Variants in MALRD1 observed in about 807,000 individuals in gnomAD.
MALRD1 encodes the protein MAM and LDL receptor class A domain containing 1, also known as MAM and LDL-receptor class A domain-containing protein 1.
A neutral mutation model predicts 242.1 loss-of-function variants in MALRD1; 247 were observed. The ratio of observed to expected loss-of-function variants is 1.02; its 90% CI spans 0.92 to 1.13. MALRD1 has a LOEUF of 1.13. MALRD1 is among the 50% of genes most tolerant of loss of function. The pLI, the probability that MALRD1 is intolerant of heterozygous loss-of-function variation, is 0.00. For synonymous variants in MALRD1, 995 were observed against 866.6 expected, an observed-to-expected ratio of 1.15 and a Z score of -2.60; for missense variants, 2,989 against 2,533.1, an observed-to-expected ratio of 1.18 and a Z score of -3.86.
intron 33 of MALRD1, among the ~76,000 whole-genome samples, chr10:19,576,839 G>A (rs144544693): frequency 3.4e-4 from 51 of 152,198 alleles, no homozygotes; most frequent in Non-Finnish European, 5.9e-4. Context: ...AGGAAACCAC[G>A]CTCTGAGATT....
At chr10:19,615,043 T>C (rs1839076447) in intron 35 of MALRD1, among the ~76,000 whole-genome samples, 1 of 152,024 alleles carries the variant, frequency 6.6e-6, no homozygotes, top group Non-Finnish European at 1.5e-5. Flanking sequence ...TGACTATAGT[T>C]AACAATAATA....
At chr10:19,275,002 T>A (rs1840440594) in intron 19 of MALRD1, among the ~76,000 whole-genome samples, 1 of 152,114 alleles carries the variant, frequency 6.6e-6, no homozygotes, top group East Asian at 1.9e-4. Flanking sequence ...AGTATTCGGA[T>A]AAGGGTCCCT....
Position 19,175,798 on chromosome 10 carries a change from C to A in MALRD1, c.1951+470C>A, listed in dbSNP as rs898082133. Reference sequence around the variant, plus strand: ...AAATTTAAAACTGGACCTTAAAATTCTGTGTTTCTATTCAAAATTTAATAT... The same window carrying A: ...AAATTTAAAACTGGACCTTAAAATTATGTGTTTCTATTCAAAATTTAATAT... On this transcript the variant is annotated intron_variant, in intron 14 of 39. Transcript: ENST00000454679. Among the ~76,000 whole-genome samples, 6 of 152,048 alleles carry A rather than the reference C, an allele frequency of 3.9e-5. No homozygotes were observed. The East Asian group carries it at 1.2e-3, about 30-fold the overall frequency.
intron 2 of MALRD1, among the ~76,000 whole-genome samples, chr10:19,084,071 T>A (rs1298183906): frequency 6.6e-6 from 1 of 152,016 alleles, no homozygotes; most frequent in African/African-American, 2.4e-5. Context: ...TAAGTTGATA[T>A]GGCAGCATCC....
chr10:19,309,059 A>C (rs987939834), intron 21 of MALRD1, among the ~76,000 whole-genome samples: 1 of 151,604 alleles, frequency 6.6e-6, no homozygotes, highest in Non-Finnish European at 1.5e-5. Context: ...AAATTACAGG[A>C]TTTAAGGTTT....
chr10:19,187,896 G>A (rs186746185), intron 14 of MALRD1, among the ~76,000 whole-genome samples: 1 of 152,256 alleles, frequency 6.6e-6, no homozygotes, highest in East Asian at 1.9e-4. Context: ...CCAAACCTCA[G>A]CATCGTGCAA....
intron 9 of MALRD1, among the ~76,000 whole-genome samples, chr10:19,135,281 A>G (rs1833291932): frequency 6.6e-6 from 1 of 152,114 alleles, no homozygotes; most frequent in Non-Finnish European, 1.5e-5. Context: ...TAGCCTCCCA[A>G]GCAGCTGGGA....
intron 29 of MALRD1, among the ~76,000 whole-genome samples, chr10:19,477,227 T>G (rs941039668): frequency 6.6e-6 from 1 of 152,192 alleles, no homozygotes; most frequent in Non-Finnish European, 1.5e-5. Context: ...TATGACTTGT[T>G]ATAGAAATTT....
chr10:19,407,460 C>T (rs1259594245), intron 28 of MALRD1, among the ~76,000 whole-genome samples: 1 of 151,696 alleles, frequency 6.6e-6, no homozygotes, highest in Non-Finnish European at 1.5e-5. Flanking sequence ...CCAGTCTGGG[C>T]AACAGAGCAA....
chr10:19,489,587 ATCATTCGCT>A (rs1837392578), intron 29 of MALRD1, among the ~76,000 whole-genome samples: 1 of 152,194 alleles, frequency 6.6e-6, no homozygotes, highest in African/African-American at 2.4e-5. Flanking sequence ...AAGAGGTGAA[ATCATTCGCT>A]GGTTGTTTAT....
chr10:19,406,681 T>C (rs1222551096), intron 28 of MALRD1, among the ~76,000 whole-genome samples: 1 of 152,158 alleles, frequency 6.6e-6, no homozygotes, highest in Admixed American at 6.5e-5. Flanking sequence ...ATAAAGGGCA[T>C]TGAGATCTGT....
intron 36 of MALRD1, among the ~76,000 whole-genome samples, chr10:19,619,009 C>T (rs1474804945): frequency 1.3e-5 from 2 of 152,030 alleles, no homozygotes; most frequent in Non-Finnish European, 2.9e-5. Flanking sequence ...ATACAGCTTA[C>T]CAGCAGACCA....
At chr10:19,319,861 A>C (rs1478053321) in intron 21 of MALRD1, among the ~76,000 whole-genome samples, 1 of 151,630 alleles carries the variant, frequency 6.6e-6, no homozygotes, top group Admixed American at 6.6e-5. Context: ...TGTTCACACC[A>C]TAGCACCTGA....
chr10:19,062,058 C>T (rs556621667), intron 1 of MALRD1, among the ~76,000 whole-genome samples: 10 of 149,490 alleles, frequency 6.7e-5, no homozygotes, highest in Admixed American at 6.1e-4. Context: ...GTAAAAAGAA[C>T]GACAGCTCAA....
intron 10 of MALRD1, among the ~76,000 whole-genome samples, chr10:19,142,028 C>T (rs1055701910): frequency 5.3e-5 from 8 of 151,608 alleles, no homozygotes; most frequent in Non-Finnish European, 8.8e-5. Context: ...AAAAATTAGC[C>T]GGGCGTTGTG....
chr10:19,376,542 C>CATTTTTTTTTTTTTTTTTT (rs1554842468), intron 26 of MALRD1, among the ~76,000 whole-genome samples: 5 of 94,990 alleles, frequency 5.3e-5, no homozygotes, highest in African/African-American at 7.9e-5. Context: ...TTGATACATT[C>CATTTTTTTTTTTTTTTTTT]TTTTTTTTTT....
At position 19,108,387 on chromosome 10, in the gene MALRD1, C is replaced by CTTTTTTTTTTTTTTTTTTTTTT. The variant is rs35948766; in HGVS notation, c.694+4329_694+4350dup. 1.0e-4 allele frequency among the ~76,000 whole-genome samples: 2 copies of CTTTTTTTTTTTTTTTTTTTTTT among 19,764 alleles called. 1 individual carries two copies. The highest frequency in any genetic ancestry group is 1.3e-3 in the Admixed American group (2 of 1,486). 13.0% of individuals were successfully genotyped at this position (19,764 alleles called of 152,430 possible). On this transcript the variant is annotated intron_variant, in intron 5 of 39. Coordinates refer to ENST00000454679, the MANE Select transcript of MALRD1 (RefSeq NM_001142308.3). ...TTATTGAGCTCATGAATTGTTTTTT[C>CTTTTTTTTTTTTTTTTTTTTTT]TTTTTTTTTTTTTTTTTTTTTTTTT...
chr10:19,057,946 A>G (rs1006078951), intron 1 of MALRD1, among the ~76,000 whole-genome samples: 2 of 152,244 alleles, frequency 1.3e-5, no homozygotes, highest in African/African-American at 2.4e-5. Context: ...GCATATGTGT[A>G]ATATATTTAA....
intron 13 of MALRD1, among the ~76,000 whole-genome samples, chr10:19,171,429 CATATATATATATAT>C (rs71387049): frequency 1.6e-5 from 1 of 61,422 alleles, no homozygotes; most frequent in Non-Finnish European, 3.3e-5. Flanking sequence ...ATTTTATATA[CATATATATATATAT>C]ATATATATAT....
Sources: allele counts gnomAD v4.1 joint callset (sites outside exome capture counted in the v4.1 genomes callset), GRCh38; gene constraint gnomAD v4.1.1; transcripts MANE v1.5; gene names NCBI Gene and HGNC (gene_info 2026-07-23, HGNC 2026-07-21).